Variants in SND1 observed in about 807,000 individuals in gnomAD.
SND1 encodes staphylococcal nuclease domain-containing protein 1.
SND1 carries 38 observed loss-of-function variants against 121.7 expected under a neutral mutation model. The observed-to-expected ratio is 0.31, with a 90% confidence interval of 0.24 to 0.41. The LOEUF (loss-of-function observed/expected upper bound fraction) is 0.41, where lower values mean the gene tolerates loss of function less well. SND1 is among the 10% of genes least tolerant of loss of function. The pLI, the probability that SND1 is intolerant of heterozygous loss-of-function variation, is 1.00. For synonymous variants in SND1, 401 were observed against 447.4 expected (o/e 0.90, Z 1.31); for missense variants, 868 against 1,184.6 (o/e 0.73, Z 3.92).
intron 15 of SND1, among the ~76,000 whole-genome samples, chr7:127,948,498 C>T (rs567282339): frequency 9.2e-5 from 14 of 152,268 alleles, no homozygotes; most frequent in African/African-American, 2.6e-4. Context: ...CTTAGAAGAC[C>T]GTCTGTGTCT....
intron 9 of SND1, among the ~76,000 whole-genome samples, chr7:127,712,880 C>T (rs534202948): frequency 6.6e-6 from 1 of 152,182 alleles, no homozygotes; most frequent in Non-Finnish European, 1.5e-5. Context: ...TATTTTTGAC[C>T]AGTCTCTAAT....
intron 16 of SND1, among the ~76,000 whole-genome samples, chr7:128,050,952 A>T (rs930247957): frequency 4.6e-5 from 7 of 151,964 alleles, no homozygotes; most frequent in Non-Finnish European, 7.4e-5. Context: ...TTGACCGTAG[A>T]CTCCACCAAA....
At chr7:127,847,258 T>C (rs1799082878) in intron 12 of SND1, among the ~76,000 whole-genome samples, 1 of 151,994 alleles carries the variant, frequency 6.6e-6, no homozygotes, top group Non-Finnish European at 1.5e-5. Context: ...GGCAATAGAG[T>C]GAGACTTTGT....
intron 16 of SND1, chr7:127,998,871 C>A (rs1044067066): frequency 6.6e-6 from 1 of 152,256 alleles, no homozygotes. Flanking sequence ...CAAGTGAGCT[C>A]AGCAGCATGT....
chr7:127,875,457 A>G (rs1799671228), intron 12 of SND1, among the ~76,000 whole-genome samples: 1 of 152,198 alleles, frequency 6.6e-6, no homozygotes, highest in Admixed American at 6.5e-5. Context: ...TTCAGGCTAA[A>G]GCAGAAAGTT....
intron 16 of SND1, among the ~76,000 whole-genome samples, chr7:128,010,753 T>C (rs1349239389): frequency 6.6e-6 from 1 of 152,248 alleles, no homozygotes; most frequent in African/African-American, 2.4e-5. Flanking sequence ...AGAGGGGTTT[T>C]GTAGTTACCT....
chr7:127,954,047 G>T (rs750473739), intron 15 of SND1, among the ~76,000 whole-genome samples: 1 of 152,136 alleles, frequency 6.6e-6, no homozygotes, highest in Non-Finnish European at 1.5e-5. Flanking sequence ...CAAGCTCCTC[G>T]TGGGATTGTG....
chr7:127,695,132 C>T (rs1004539597), intron 3 of SND1, among the ~76,000 whole-genome samples, 184 bp downstream of exon 3: 5 of 152,128 alleles, frequency 3.3e-5, no homozygotes, highest in African/African-American at 4.8e-5. Context: ...GGCATGCCCC[C>T]GGTGTTCCTG....
chr7:127,757,887 T>C (rs761854550), intron 10 of SND1, among the ~76,000 whole-genome samples: 15 of 152,228 alleles, frequency 9.9e-5, no homozygotes, highest in East Asian at 1.9e-4. Context: ...GTTTCCTGTG[T>C]TCTTAATTTC....
chr7:128,019,049 T>A (rs962661354), intron 16 of SND1, among the ~76,000 whole-genome samples: 1 of 152,172 alleles, frequency 6.6e-6, no homozygotes, highest in Non-Finnish European at 1.5e-5. Context: ...GTCCATTATG[T>A]CTGAGCTTAA....
At chr7:127,885,037 A>G (rs2116725661) in intron 12 of SND1, among the ~76,000 whole-genome samples, 1 of 152,196 alleles carries the variant, frequency 6.6e-6, no homozygotes, top group Middle Eastern at 3.4e-3. Context: ...GGATGTTTGC[A>G]CCCAGGTTGA....
At chr7:127,748,806 A>G (rs2116451469) in intron 10 of SND1, among the ~76,000 whole-genome samples, 1 of 152,282 alleles carries the variant, frequency 6.6e-6, no homozygotes, top group East Asian at 1.9e-4. Flanking sequence ...CTTGAAGGGT[A>G]GCTGAATGGA....
intron 15 of SND1, among the ~76,000 whole-genome samples, chr7:127,929,860 T>C (rs1473980319): frequency 3.3e-5 from 5 of 152,218 alleles, no homozygotes; most frequent in Non-Finnish European, 7.3e-5. Context: ...TAGTATTTCT[T>C]GTTGTGCTAA....
At chr7:127,923,868 A>G (rs1800774370) in intron 14 of SND1, among the ~76,000 whole-genome samples, 2 of 152,028 alleles carry the variant, frequency 1.3e-5, no homozygotes. Flanking sequence ...ATCCTTAACG[A>G]TTTGTTCTGA....
Position 128,015,960 on chromosome 7 carries a change from T to A in SND1, c.1779+24904T>A, listed in dbSNP as rs564950353. Reference sequence around the variant, plus strand: ...GTAAATACATTATTTGTATTTACATTTGGGTCATCTGCAAACCAAAGCGAT... The same window carrying A: ...GTAAATACATTATTTGTATTTACATATGGGTCATCTGCAAACCAAAGCGAT... On this transcript the variant is annotated intron_variant, in intron 16 of 23. Coordinates refer to ENST00000354725, the MANE Select transcript of SND1 (RefSeq NM_014390.4). This position sits in a 1 kb window ranked among gnomAD's most constrained non-coding sequence, Gnocchi z 4.5. Among the ~76,000 whole-genome samples, 7 of 152,274 alleles carry A rather than the reference T, an allele frequency of 4.6e-5. No individual in the cohort carries two copies. The South Asian group carries it at 1.4e-3, about 32-fold the overall frequency.
chr7:127,897,177 A>G (rs1800136782), intron 13 of SND1, among the ~76,000 whole-genome samples: 1 of 152,158 alleles, frequency 6.6e-6, no homozygotes, highest in South Asian at 2.1e-4. Flanking sequence ...TGGGCCCAGA[A>G]GTTGAGAAGA....
chr7:127,980,829 A>C (rs1173029499), intron 15 of SND1, among the ~76,000 whole-genome samples: 3 of 152,176 alleles, frequency 2.0e-5, no homozygotes, highest in African/African-American at 7.2e-5. Flanking sequence ...CCATAGGGGT[A>C]TTTCCTGTGG....
At chr7:128,082,003 T>C (rs756704204) in intron 18 of SND1, 8 of 531,256 alleles carry the variant, frequency 1.5e-5, no homozygotes, top group Non-Finnish European at 2.7e-5. Flanking sequence ...CCAGTTTCCA[T>C]GGAAACAGGC....
Position 127,662,264 on chromosome 7 carries a change from A to T in SND1, c.78+9813A>T, listed in dbSNP as rs565581541. 5.3e-5 allele frequency among the ~76,000 whole-genome samples: 8 copies of T among 152,356 alleles called. No individual in the cohort carries two copies. The East Asian group carries it at 1.5e-3, about 29-fold the overall frequency. On this transcript the variant is annotated intron_variant, in intron 1 of 23. Coordinates refer to ENST00000354725, the MANE Select transcript of SND1 (RefSeq NM_014390.4). ...CTCTCCTCCTTTTTAAAAGAAACTG[A>T]AATAGGGTCAATCTCTATGTGTCTG...
Sources: gnomAD v4.1 joint callset for allele counts (sites outside exome capture counted in the v4.1 genomes callset) on GRCh38, gnomAD v4.1.1 for gene constraint, Gnocchi (gnomAD v3.1) non-coding constraint, MANE v1.5 for transcripts, NCBI Gene and HGNC (gene_info 2026-07-23, HGNC 2026-07-21) for gene names.